Variants in RIPOR3 observed in about 807,000 individuals in gnomAD.
The protein encoded by RIPOR3 is RIPOR family member 3.
A neutral mutation model predicts 114.3 loss-of-function variants in RIPOR3; 95 were observed. The ratio of observed to expected loss-of-function variants is 0.83; its 90% confidence interval spans 0.70 to 0.99. The LOEUF is 0.99. Among genes scored for constraint, RIPOR3 ranks in the 50% least tolerant of loss-of-function variants. The pLI is 0.00. For synonymous variants in RIPOR3, 575 were observed against 543.8 expected, an observed-to-expected ratio of 1.06 and a Z score of -0.80; for missense variants, 1,252 against 1,266.9, an observed-to-expected ratio of 0.99 and a Z score of 0.18.
intron 13 of RIPOR3, among the ~76,000 whole-genome samples, chr20:50,598,921 AGG>A (rs1253719270): frequency 6.6e-5 from 10 of 150,608 alleles, no homozygotes; most frequent in Admixed American, 4.0e-4. Flanking sequence ...AAAAAAAAAA[AGG>A]AGGGGGTTAT....
At chr20:50,592,593 T>C in intron 18 of RIPOR3, 47 bp from the exon 19 acceptor site, 3 of 1,404,930 alleles carry the variant, frequency 2.1e-6, no homozygotes, top group South Asian at 1.7e-5. Context: ...AATGGGAGTT[T>C]GGCAGGACAG....
chr20:50,591,200 A>G (rs2083096152), intron 19 of RIPOR3, among the ~76,000 whole-genome samples: 1 of 152,254 alleles, frequency 6.6e-6, no homozygotes, highest in African/African-American at 2.4e-5. Context: ...ACAAAAAATA[A>G]AACAGGATGC....
At position 50,602,465 on chromosome 20, in the gene RIPOR3, C is replaced by T. The variant is rs939577491; in HGVS notation, c.1266G>A (p.Thr422=). ...SEDPRDTETS[T]SASTSDVGFL... Reference sequence around the variant, plus strand: ...AGCCCACATCTGAGGTGGACGCCGACGTGCTGGTCTCCGTGTCTCGGGGGT... The same window carrying T: ...AGCCCACATCTGAGGTGGACGCCGATGTGCTGGTCTCCGTGTCTCGGGGGT... The change falls in exon 13 of 22, where the codon ACG becomes ACA. Residue 422 remains threonine, a synonymous_variant. Coordinates refer to ENST00000327979, the MANE Select transcript of RIPOR3 (RefSeq NM_001290268.2). The surrounding 1 kb of genome is among the most constrained non-coding windows in gnomAD (Gnocchi z 4.3). The T allele has an allele frequency of 1.2e-5, 18 of 1,556,878 alleles. No individual in the cohort carries two copies. Among genetic ancestry groups the T allele is most frequent in the East Asian group, 9.2e-5 (4 of 43,646 alleles).
chr20:50,636,268 G>A (rs1239297649), intron 1 of RIPOR3, among the ~76,000 whole-genome samples: 7 of 152,258 alleles, frequency 4.6e-5, no homozygotes, highest in African/African-American at 1.7e-4. Context: ...CTGCGACCAA[G>A]GGTGACATTC....
At chr20:50,671,910 AAAGATGGAT>A (rs2086515931) in intron 1 of RIPOR3, among the ~76,000 whole-genome samples, 1 of 146,306 alleles carries the variant, frequency 6.8e-6, no homozygotes, top group Non-Finnish European at 1.5e-5. Flanking sequence ...GGAAGGAAGA[AAAGATGGAT>A]GGATGGATGG....
intron 1 of RIPOR3, among the ~76,000 whole-genome samples, chr20:50,679,737 C>T (rs1381839156): frequency 4.0e-4 from 58 of 145,882 alleles, no homozygotes; most frequent in Non-Finnish European, 7.8e-4. Flanking sequence ...CCACTGCACT[C>T]GGGCCTGGGC....
chr20:50,591,961 G>C (rs1252281226), intron 19 of RIPOR3, among the ~76,000 whole-genome samples: 4 of 152,162 alleles, frequency 2.6e-5, no homozygotes, highest in African/African-American at 9.7e-5. Context: ...TGGGTATGGT[G>C]GTGGGCGCCT....
At chr20:50,677,671 C>CTTTTTTTT in intron 1 of RIPOR3, among the ~76,000 whole-genome samples, 1 of 130,750 alleles carries the variant, frequency 7.6e-6, no homozygotes, top group African/African-American at 2.8e-5. Context: ...CGCGCCTGGC[C>CTTTTTTTT]TTTTTTTTTT....
chr20:50,600,971 G>A (rs1477882237), intron 13 of RIPOR3, among the ~76,000 whole-genome samples: 2 of 152,190 alleles, frequency 1.3e-5, no homozygotes, highest in Non-Finnish European at 2.9e-5. Flanking sequence ...TGTGTTTGAA[G>A]AGAGCTGTTA....
chr20:50,673,057 T>C (rs972278197), intron 1 of RIPOR3, among the ~76,000 whole-genome samples: 2 of 152,194 alleles, frequency 1.3e-5, no homozygotes, highest in African/African-American at 2.4e-5. Flanking sequence ...ATGTCCCCAC[T>C]GCCCTGAGGC....
At chr20:50,648,003 C>T (rs542657897) in intron 1 of RIPOR3, among the ~76,000 whole-genome samples, 10 of 151,952 alleles carry the variant, frequency 6.6e-5, no homozygotes, top group South Asian at 6.3e-4. Flanking sequence ...TGGCCAGGCG[C>T]GGTGGCTCAT....
At chr20:50,657,234 A>G (rs1229386263) in intron 1 of RIPOR3, among the ~76,000 whole-genome samples, 1 of 152,182 alleles carries the variant, frequency 6.6e-6, no homozygotes. Context: ...ACACACACAA[A>G]GAAAGAGAGA....
intron 14 of RIPOR3, 64 bp downstream of exon 14, chr20:50,597,513 CGTG>C (rs2083334906): frequency 1.9e-6 from 3 of 1,547,180 alleles, no homozygotes; most frequent in Middle Eastern, 1.9e-4. Flanking sequence ...TGGCAGGAAA[CGTG>C]GAGCTCGGGT....
chr20:50,684,986 A>C lies in RIPOR3; in HGVS notation c.3+6140T>G, dbSNP rs947227587. Reference sequence around the variant, plus strand: ...TAGAGACAAAGGTCTTGCTATGTTGACCAGGCTGGTCTTGAACTCCTGGTC... The same window carrying C: ...TAGAGACAAAGGTCTTGCTATGTTGCCCAGGCTGGTCTTGAACTCCTGGTC... On this transcript the variant is annotated intron_variant, in intron 1 of 21. Transcript: ENST00000327979. 2.0e-5 allele frequency among the ~76,000 whole-genome samples: 3 copies of C among 152,170 alleles called. No homozygotes were observed. The South Asian group carries it at 6.2e-4, about 32-fold the overall frequency.
chr20:50,595,276 G>A, intron 16 of RIPOR3, 93 bp downstream of exon 16: 2 of 1,507,624 alleles, frequency 1.3e-6, no homozygotes, highest in South Asian at 1.2e-5. Context: ...GATTAACTCT[G>A]GCTATTAGGA....
chr20:50,599,052 A>G (rs1446744900), intron 13 of RIPOR3, among the ~76,000 whole-genome samples: 1 of 152,148 alleles, frequency 6.6e-6, no homozygotes, highest in Non-Finnish European at 1.5e-5. Flanking sequence ...CAACTCAGCA[A>G]TGCAGAACTT....
At chr20:50,604,832 C>G (rs1601488469) in intron 11 of RIPOR3, 58 bp from the exon 12 acceptor site, 1 of 1,586,882 alleles carries the variant, frequency 6.3e-7, no homozygotes, top group East Asian at 2.3e-5. Flanking sequence ...ATTTCAGGCC[C>G]AGACGGCCCA....
Position 50,687,303 on chromosome 20 carries a change from T to A in RIPOR3, c.3+3823A>T, listed in dbSNP as rs115811849. On this transcript the variant is annotated intron_variant, in intron 1 of 21. Transcript: ENST00000327979. ...CTCCACCCGATCTCTCTGCATCCAC[T>A]CCAGTGCTTCGGGCAAGAGAGAGGA... Among the ~76,000 whole-genome samples, 664 of 152,324 alleles carry A rather than the reference T, an allele frequency of 4.4e-3. 9 individuals are homozygous for A. The highest frequency in any genetic ancestry group is 0.015 in the African/African-American group (640 of 41,566).
chr20:50,636,624 G>A (rs905469924), intron 1 of RIPOR3: 5 of 985,464 alleles, frequency 5.1e-6, no homozygotes, highest in South Asian at 4.7e-5. Context: ...CGTGTCCCTC[G>A]CTGCCTCTCT....
Sources: gnomAD v4.1 joint callset for allele counts (sites outside exome capture counted in the v4.1 genomes callset) on GRCh38, gnomAD v4.1.1 for gene constraint, Gnocchi (gnomAD v3.1) non-coding constraint, MANE v1.5 for transcripts, NCBI Gene and HGNC (gene_info 2026-07-23, HGNC 2026-07-21) for gene names.